The following MTMR10 variants were observed in gnomAD, a reference collection of about 807,000 sequenced individuals.
The protein encoded by MTMR10 is myotubularin related protein 10.
In MTMR10, 56 loss-of-function variants were observed where a neutral mutation model predicts 88.1. The ratio of observed to expected loss-of-function variants is 0.64; its 90% CI spans 0.51 to 0.79. MTMR10 has a LOEUF of 0.79. Among genes scored for constraint, MTMR10 ranks in the 30% least tolerant of loss-of-function variants. The probability of loss-of-function intolerance (pLI) is 0.00; values close to 1 mark genes in which losing one functional copy is unlikely to be tolerated. For missense variants in MTMR10, 883 were observed against 924.7 expected (o/e 0.95, Z 0.58); for synonymous variants, 380 against 340.9 (o/e 1.11, Z -1.26).
rs2062977780 is a variant in MTMR10, at chr15:30,939,791, T to C, written c.*1679A>G. 1.0e-6 allele frequency: 1 copy of C among 985,318 alleles called. No homozygotes were observed. The highest frequency in any genetic ancestry group is 1.7e-5 in the African/African-American group (1 of 57,352). The allele number at this position is 985,318 out of a possible 1,614,324, so 61.0% of individuals were successfully genotyped here. A position where few individuals can be genotyped will look rare whatever the true frequency, so the allele number is the denominator to read the frequency against. On this transcript the variant is annotated 3_prime_UTR_variant, in exon 16 of 16. Transcript: ENST00000435680. ...TCAATGGCAGGATACGCTGTGGTGT[T>C]ATAAGGAGATTGGGTCTGGTTTCTA...
the MTMR10 span, among the ~76,000 whole-genome samples, chr15:30,933,185 T>C: frequency 6.6e-6 from 1 of 152,298 alleles, no homozygotes; most frequent in East Asian, 1.9e-4. Context: ...GTTTCATTTG[T>C]TTTTTTATTT....
chr15:30,928,887 T>G, the MTMR10 span: 4 of 698,388 alleles, frequency 5.7e-6, no homozygotes, highest in Middle Eastern at 1.4e-3. Context: ...TTTAGACCTT[T>G]CGTATAAAGT....
the MTMR10 span, among the ~76,000 whole-genome samples, chr15:30,929,732 T>TATAA: frequency 7.2e-5 from 3 of 41,712 alleles, no homozygotes; most frequent in Non-Finnish European, 1.2e-4. Flanking sequence ...ATAAAATATA[T>TATAA]AATATATTAT....
intron 14 of MTMR10, chr15:30,946,583 C>T (rs2063174445): frequency 1.7e-6 from 1 of 605,780 alleles, no homozygotes; most frequent in East Asian, 2.8e-5. Flanking sequence ...CTGTTTCTCT[C>T]AATGGTCTCC....
chr15:30,939,459 C>G lies in MTMR10; in HGVS notation c.*2011G>C. On this transcript the variant is annotated 3_prime_UTR_variant, in exon 16 of 16. Coordinates refer to ENST00000435680, the MANE Select transcript of MTMR10 (RefSeq NM_017762.3). ...AGCTTCACCCTGGCCCGACTGAAGG[C>G]TGTCATAGTTGTTTTTCATATTATG... is the stretch of plus-strand genomic sequence containing the variant. 2 of 985,436 alleles carry G rather than the reference C, an allele frequency of 2.0e-6. No individual in the cohort carries two copies. The highest frequency in any genetic ancestry group is 2.4e-6 in the Non-Finnish European group (2 of 829,930). The allele number at this position is 985,436 out of a possible 1,614,324, so 61.0% of individuals were successfully genotyped here.
At chr15:30,929,149 T>G in the MTMR10 span, 2 of 1,532,744 alleles carry the variant, frequency 1.3e-6, no homozygotes, top group Non-Finnish European at 1.8e-6. Context: ...AGTCCTCTGG[T>G]GAACACGGCT....
chr15:30,942,253 A>G, intron 15 of MTMR10, 181 bp from the exon 16 acceptor site: 3 of 759,528 alleles, frequency 3.9e-6, no homozygotes, highest in Non-Finnish European at 6.3e-6. Flanking sequence ...ACACTTTTTT[A>G]TGTGTTGACT....
At chr15:30,921,904 GA>G in the MTMR10 span, among the ~76,000 whole-genome samples, 1 of 152,188 alleles carries the variant, frequency 6.6e-6, no homozygotes, top group African/African-American at 2.4e-5. Flanking sequence ...TGCCAACTGT[GA>G]CCAGTGCTCA....
chr15:30,972,208 G>A (rs904992963), intron 5 of MTMR10, among the ~76,000 whole-genome samples: 6 of 151,948 alleles, frequency 3.9e-5, no homozygotes, highest in Admixed American at 2.6e-4. Context: ...AACTGCTACC[G>A]AATTTTAGAT....
intron 7 of MTMR10, among the ~76,000 whole-genome samples, chr15:30,959,896 T>C (rs549986438): frequency 6.6e-6 from 1 of 152,222 alleles, no homozygotes; most frequent in South Asian, 2.1e-4. Flanking sequence ...AAATTCATAA[T>C]AACTAAATGA....
At chr15:30,920,534 C>T in the MTMR10 span, 2 of 1,572,302 alleles carry the variant, frequency 1.3e-6, no homozygotes, top group African/African-American at 1.4e-5. Context: ...TGGTATATGT[C>T]TTCATTTTAG....
chr15:30,947,043 T>G, intron 14 of MTMR10, 87 bp downstream of exon 14: 3 of 1,423,564 alleles, frequency 2.1e-6, no homozygotes, highest in Non-Finnish European at 2.8e-6. Context: ...CATAAGATTT[T>G]AAATAGGCAG....
chr15:30,925,038 TA>T, the MTMR10 span: 1 of 1,387,010 alleles, frequency 7.2e-7, no homozygotes, highest in East Asian at 2.3e-5. Context: ...AATTCAATAA[TA>T]AACAGTGGGC....
chr15:30,929,510 G>T, the MTMR10 span: 2 of 563,188 alleles, frequency 3.6e-6, no homozygotes, highest in Non-Finnish European at 6.0e-6. Context: ...ATACATGTAT[G>T]TGTGTGCATA....
Position 30,939,696 on chromosome 15 carries a change from G to C in MTMR10, c.*1774C>G, listed in dbSNP as rs1280778410. On this transcript the variant is annotated 3_prime_UTR_variant, in exon 16 of 16. Transcript: ENST00000435680. ...GGAAGAAAATTACAGAGGGAAAAAT[G>C]CTCAATCCAAAACATTTAGTAATAA... 6 of 965,926 alleles carry C rather than the reference G, an allele frequency of 6.2e-6. No individual in the cohort carries two copies. The African/African-American group carries it at 7.0e-5, about 11-fold the overall frequency. 59.8% of individuals were successfully genotyped at this position (965,926 alleles called of 1,614,324 possible).
At chr15:30,932,728 T>C in the MTMR10 span, among the ~76,000 whole-genome samples, 2 of 150,584 alleles carry the variant, frequency 1.3e-5, no homozygotes, top group African/African-American at 4.9e-5. Context: ...TTTTTTTTTT[T>C]TTTGAGATGG....
chr15:30,931,773 ATC>A, the MTMR10 span, among the ~76,000 whole-genome samples: 1 of 151,974 alleles, frequency 6.6e-6, no homozygotes, highest in Non-Finnish European at 1.5e-5. Context: ...GGTTCCATTG[ATC>A]TGTTTGTCTG....
the MTMR10 span, among the ~76,000 whole-genome samples, chr15:30,924,402 T>C: frequency 6.6e-6 from 1 of 152,168 alleles, no homozygotes; most frequent in Non-Finnish European, 1.5e-5. Context: ...TTTTGAGGAG[T>C]GGCTGAACTG....
chr15:30,935,278 A>C (rs1313077025), downstream of MTMR10, among the ~76,000 whole-genome samples: 1 of 152,062 alleles, frequency 6.6e-6, no homozygotes, highest in Non-Finnish European at 1.5e-5. Flanking sequence ...ACTGTATACC[A>C]GCCTGGGCAA....
Sources: allele counts gnomAD v4.1 joint callset (sites outside exome capture counted in the v4.1 genomes callset), GRCh38; gene constraint gnomAD v4.1.1; transcripts MANE v1.5; gene names NCBI Gene and HGNC (gene_info 2026-07-23, HGNC 2026-07-21).